PIKFYVE: variants seen among roughly 807,000 people sequenced by gnomAD.
The protein encoded by PIKFYVE is 1-phosphatidylinositol 3-phosphate 5-kinase.
In PIKFYVE, 122 loss-of-function variants were observed where a neutral mutation model predicts 257.9. The ratio of observed to expected loss-of-function variants is 0.47; its 90% CI spans 0.41 to 0.55. The LOEUF (loss-of-function observed/expected upper bound fraction) is 0.55. Among genes scored for constraint, PIKFYVE ranks in the 20% least tolerant of loss-of-function variants. PIKFYVE has a pLI of 0.00. For synonymous variants in PIKFYVE, 892 were observed against 868.9 expected (o/e 1.03, Z -0.47); for missense variants, 2,160 against 2,536.6 (o/e 0.85, Z 3.19).
At chr2:208,322,389 A>AC (rs1257558108) in intron 17 of PIKFYVE, among the ~76,000 whole-genome samples, 2 of 150,590 alleles carry the variant, frequency 1.3e-5, no homozygotes, top group Admixed American at 6.6e-5. Flanking sequence ...AAAAAAAAAA[A>AC]AAAAAAAAAC....
At chr2:208,280,908 A>AGTAACCATGCCCACCTT (rs1392267329) in intron 5 of PIKFYVE, among the ~76,000 whole-genome samples, 1 of 152,192 alleles carries the variant, frequency 6.6e-6, no homozygotes, top group Non-Finnish European at 1.5e-5. Flanking sequence ...TGTCTATTAT[A>AGTAACCATGCCCACCTT]GTAACCATGC....
intron 34 of PIKFYVE, among the ~76,000 whole-genome samples, chr2:208,346,756 T>G (rs548388345): frequency 3.3e-5 from 5 of 152,346 alleles, no homozygotes; most frequent in African/African-American, 1.2e-4. Context: ...TAACCAAACC[T>G]GGAGGTTGGC....
At chr2:208,338,999 A>G (rs1296990491) in intron 29 of PIKFYVE, among the ~76,000 whole-genome samples, 2 of 152,246 alleles carry the variant, frequency 1.3e-5, no homozygotes, top group East Asian at 1.9e-4. Context: ...AAATTTACAT[A>G]GACTGTAGAA....
chr2:208,271,515 A>T lies in PIKFYVE; in HGVS notation c.-5A>T, dbSNP rs751425370. ...CTTGTTTCTTTTGTTTTTCAGACTCATGAAATGGCCACAGATGATAAGACG... is the reference window on the plus strand; with the variant it reads ...CTTGTTTCTTTTGTTTTTCAGACTCTTGAAATGGCCACAGATGATAAGACG... On this transcript the variant is annotated 5_prime_UTR_variant, in exon 2 of 42. An upstream start codon of the reference 5' UTR is lost. Coordinates refer to ENST00000264380, the MANE Select transcript of PIKFYVE (RefSeq NM_015040.4). 5.0e-6 allele frequency: 8 copies of T among 1,614,002 alleles called. No individual in the cohort carries two copies. In the African/African-American group the frequency reaches 8.0e-5, roughly 16 times the overall value.
Position 208,288,798 on chromosome 2 carries a change from GAAATCTCC to G in PIKFYVE, c.892_899del (p.Lys298CysfsTer4). The G allele has an allele frequency of 6.2e-7, 1 of 1,614,016 alleles. No homozygotes were observed. Among genetic ancestry groups the G allele is most frequent in the Non-Finnish European group, 8.5e-7 (1 of 1,179,970 alleles). ...TTGTATCTGTGCAAGAGGATGCTGG[GAAATCTCC>G]TGCTCGAAATAGGTAAACTGACAAA... is the stretch of plus-strand genomic sequence containing the variant. On this transcript the variant is annotated frameshift_variant, in exon 7 of 42. Coordinates refer to ENST00000264380, the MANE Select transcript of PIKFYVE (RefSeq NM_015040.4). LOFTEE classifies it high-confidence loss of function.
intron 6 of PIKFYVE, 106 bp downstream of exon 6, chr2:208,286,039 T>C (rs1409816793): frequency 3.5e-6 from 4 of 1,150,926 alleles, no homozygotes; most frequent in African/African-American, 3.1e-5. Flanking sequence ...TTATTTCCTG[T>C]CAGTTCACTG....
At chr2:208,321,754 T>G (rs868196688) in intron 17 of PIKFYVE, among the ~76,000 whole-genome samples, 7 of 151,932 alleles carry the variant, frequency 4.6e-5, no homozygotes, top group Middle Eastern at 3.4e-3. Flanking sequence ...ATTTTTGTAT[T>G]TTTTTAGTAG....
At chr2:208,344,324 A>G (rs1280837039) in intron 32 of PIKFYVE, among the ~76,000 whole-genome samples, 1 of 152,116 alleles carries the variant, frequency 6.6e-6, no homozygotes, top group Non-Finnish European at 1.5e-5. Flanking sequence ...AGTAAATAAG[A>G]TAGATTTACA....
chr2:208,353,915 C>T lies in PIKFYVE; in HGVS notation c.5862C>T (p.Gly1954=). ...RKMAQVFDLK[G]SLRNRNVKTD... ...TTTACTAGGTTTTTGATTTGAAGGGCTCTCTTAGGAATCGGAATGTAAAAA... is the reference window on the plus strand; with the variant it reads ...TTTACTAGGTTTTTGATTTGAAGGGTTCTCTTAGGAATCGGAATGTAAAAA... The change falls in exon 40 of 42, where the codon GGC becomes GGT. Residue 1954 remains glycine (G), a synonymous_variant. Coordinates refer to ENST00000264380, the MANE Select transcript of PIKFYVE (RefSeq NM_015040.4). 1 of 1,613,804 alleles carries T rather than the reference C, an allele frequency of 6.2e-7. No homozygotes were observed. Among genetic ancestry groups the T allele is most frequent in the Non-Finnish European group, 8.5e-7 (1 of 1,179,870 alleles).
chr2:208,354,143 A>C lies in PIKFYVE; in HGVS notation c.6090A>C (p.Leu2030=). 1 of 1,613,486 alleles carries C rather than the reference A, an allele frequency of 6.2e-7. No individual in the cohort carries two copies. The highest frequency in any genetic ancestry group is 8.5e-7 in the Non-Finnish European group (1 of 1,179,874). ...LVGRDDTSNE[L]VVGIIDYIRT... is the part of the protein sequence containing the mutation. ...GGCGAGATGATACTAGCAATGAGCTAGTAGTTGGAATTATAGGTAAGTCAA... is the reference window on the plus strand; with the variant it reads ...GGCGAGATGATACTAGCAATGAGCTCGTAGTTGGAATTATAGGTAAGTCAA... The change falls in exon 40 of 42, where the codon CTA becomes CTC. Residue 2030 remains leucine (L), a synonymous_variant. Transcript: ENST00000264380.
intron 26 of PIKFYVE, 61 bp from the exon 27 acceptor site, chr2:208,335,985 G>A (rs1453265789): frequency 6.2e-7 from 1 of 1,602,212 alleles, no homozygotes; most frequent in Admixed American, 1.7e-5. Context: ...AATAATAGCA[G>A]TTTCTTTTGG....
chr2:208,327,632 T>C (rs974512498), intron 20 of PIKFYVE, among the ~76,000 whole-genome samples: 15 of 152,200 alleles, frequency 9.9e-5, no homozygotes, highest in Admixed American at 8.5e-4. Flanking sequence ...AGAATAGATA[T>C]TTTAAAACCA....
intron 25 of PIKFYVE, 114 bp from the exon 26 acceptor site, chr2:208,335,679 T>G: frequency 1.1e-6 from 1 of 932,846 alleles, no homozygotes; most frequent in Non-Finnish European, 1.7e-6. Context: ...TAATTCTTAA[T>G]TAGGTAAAAC....
Position 208,354,156 on chromosome 2 carries a change from A to G in PIKFYVE, c.6103A>G (p.Ile2035Val). The G allele has an allele frequency of 6.2e-7, 1 of 1,612,924 alleles. No individual in the cohort carries two copies. Among genetic ancestry groups the G allele is most frequent in the Non-Finnish European group, 8.5e-7 (1 of 1,179,810 alleles). ...DTSNELVVGI[I>V]DYIRTFTWDK... ...TAGCAATGAGCTAGTAGTTGGAATT[A>G]TAGGTAAGTCAATGAGTACCCTGCT... Residue 2035 changes from isoleucine (I) to valine (V), a missense_variant, in exon 40 of 42, where the codon ATA (isoleucine) becomes GTA (valine). By Grantham distance (29) the Ile-to-Val change is conservative. Around this residue, in one of 12 missense-constraint regions of PIKFYVE, gnomAD observed 699 missense variants for 855.8 expected, o/e 0.82. Transcript: ENST00000264380.
At chr2:208,334,779 A>G (rs932907013) in intron 24 of PIKFYVE, among the ~76,000 whole-genome samples, 2 of 152,242 alleles carry the variant, frequency 1.3e-5, no homozygotes, top group African/African-American at 2.4e-5. Context: ...CACCTAAAAC[A>G]GTGTCTGGCA....
chr2:208,270,428 G>A (rs934872487), intron 1 of PIKFYVE, among the ~76,000 whole-genome samples: 3 of 152,154 alleles, frequency 2.0e-5, no homozygotes, highest in African/African-American at 7.2e-5. Context: ...GTACTTTTCT[G>A]TAACTTCCAT....
intron 12 of PIKFYVE, among the ~76,000 whole-genome samples, chr2:208,308,481 C>T (rs2125400330): frequency 6.6e-6 from 1 of 151,918 alleles, no homozygotes; most frequent in African/African-American, 2.4e-5. Flanking sequence ...TTGAAATATA[C>T]AATACACTAT....
At chr2:208,330,346 A>G (rs1449605672) in intron 22 of PIKFYVE, among the ~76,000 whole-genome samples, 177 bp from the exon 23 acceptor site, 1 of 152,216 alleles carries the variant, frequency 6.6e-6, no homozygotes, top group Non-Finnish European at 1.5e-5. Context: ...TGGCAAATAG[A>G]AGGTGCTTAA....
chr2:208,325,285 T>C lies in PIKFYVE; in HGVS notation c.2474T>C (p.Leu825Pro), dbSNP rs1383803315. Residue 825 changes from leucine to proline, a missense_variant, in exon 20 of 42, where the codon CTG becomes CCG. Physicochemically the swap from Leu to Pro is moderately conservative, Grantham distance 98. Coordinates refer to ENST00000264380, the MANE Select transcript of PIKFYVE (RefSeq NM_015040.4). ...TTGTTTGTAGAACAAACCAAGACAC[T>C]GATGTTTTTTGAAGGTTGTCCACAG... The part of the protein sequence containing the change: ...FQLPNEQTKT[L>P]MFFEGCPQHL... 1 of 1,613,880 alleles carries C rather than the reference T, an allele frequency of 6.2e-7. No individual in the cohort carries two copies. The highest frequency in any genetic ancestry group is 1.3e-5 in the African/African-American group (1 of 74,944).
Sources: allele counts gnomAD v4.1 joint callset (sites outside exome capture counted in the v4.1 genomes callset), GRCh38; gene constraint gnomAD v4.1.1; regional missense constraint gnomAD v4.1.1; transcripts MANE v1.5; gene names NCBI Gene and HGNC (gene_info 2026-07-23, HGNC 2026-07-21).